The following UTS2 variants were observed in gnomAD, a reference collection of about 807,000 sequenced individuals.
The protein encoded by UTS2 is urotensin 2.
UTS2 carries 10 observed loss-of-function variants against 12.6 expected under a neutral mutation model. The observed-to-expected ratio is 0.80, with a 90% CI of 0.49 to 1.35. The LOEUF is 1.35. Among genes scored for constraint, UTS2 ranks in the 40% most tolerant of loss-of-function variants. The pLI is 0.00. For synonymous variants in UTS2, 52 were observed against 50.0 expected, an observed-to-expected ratio of 1.04 and a Z score of -0.17; for missense variants, 142 against 143.2, an observed-to-expected ratio of 0.99 and a Z score of 0.04.
At chr1:7,875,868 T>C in the UTS2 span, among the ~76,000 whole-genome samples, 17 of 152,164 alleles carry the variant, frequency 1.1e-4, no homozygotes, top group East Asian at 2.9e-3. Context: ...ATGCAAACTA[T>C]TGGGGGGCCT....
chr1:7,889,260 CAAAAAAAA>C, the UTS2 span, among the ~76,000 whole-genome samples: 13 of 72,588 alleles, frequency 1.8e-4, no homozygotes, highest in East Asian at 3.3e-4. Context: ...CTCATTTCTA[CAAAAAAAA>C]AAAAAAAAAA....
chr1:7,912,965 C>T, the UTS2 span, among the ~76,000 whole-genome samples: 1 of 149,772 alleles, frequency 6.7e-6, no homozygotes, highest in Non-Finnish European at 1.5e-5. Flanking sequence ...CCTACTTTGC[C>T]CTTTAAAATG....
chr1:7,875,854 A>G, the UTS2 span, among the ~76,000 whole-genome samples: 2 of 152,010 alleles, frequency 1.3e-5, no homozygotes, highest in African/African-American at 4.8e-5. Context: ...GGCCTCTGGC[A>G]CCCATGCAAA....
At chr1:7,892,340 T>C in the UTS2 span, among the ~76,000 whole-genome samples, 2 of 152,084 alleles carry the variant, frequency 1.3e-5, no homozygotes, top group African/African-American at 4.8e-5. Flanking sequence ...GCATCAGTGT[T>C]CTTGCCTTTT....
intron 1 of UTS2, 63 bp downstream of exon 1, chr1:7,852,838 A>T: frequency 6.6e-7 from 1 of 1,524,172 alleles, no homozygotes; most frequent in Non-Finnish European, 8.8e-7. Context: ...TATCTCTAAC[A>T]TTGAATTTAA....
the UTS2 span, among the ~76,000 whole-genome samples, chr1:7,870,602 C>T: frequency 6.6e-6 from 1 of 152,182 alleles, no homozygotes; most frequent in Admixed American, 6.5e-5. Context: ...GGTGAGAAAA[C>T]TTTCTTGTCC....
At chr1:7,899,936 G>C in the UTS2 span, among the ~76,000 whole-genome samples, 1 of 152,128 alleles carries the variant, frequency 6.6e-6, no homozygotes. Flanking sequence ...CAACATGTAG[G>C]CCTCTCAGAT....
At chr1:7,853,143 A>C, upstream of UTS2, 1 of 1,451,118 alleles carries the variant, frequency 6.9e-7, no homozygotes, top group Non-Finnish European at 9.1e-7. Context: ...AAAAAAAATG[A>C]ATTTATTGGC....
chr1:7,897,987 C>G, the UTS2 span, among the ~76,000 whole-genome samples: 3 of 152,144 alleles, frequency 2.0e-5, no homozygotes, highest in African/African-American at 7.2e-5. Flanking sequence ...TAATAGGTTA[C>G]AAGTCAACTG....
At chr1:7,899,686 T>A in the UTS2 span, among the ~76,000 whole-genome samples, 1 of 152,190 alleles carries the variant, frequency 6.6e-6, no homozygotes, top group African/African-American at 2.4e-5. Context: ...TGATCTTTTT[T>A]AAACACTGTT....
At chr1:7,859,548 C>T in the UTS2 span, among the ~76,000 whole-genome samples, 3 of 152,210 alleles carry the variant, frequency 2.0e-5, no homozygotes, top group Middle Eastern at 3.4e-3. Flanking sequence ...TCCAGGCAGA[C>T]GGAACAGTGA....
At chr1:7,876,849 C>T in the UTS2 span, among the ~76,000 whole-genome samples, 15 of 149,848 alleles carry the variant, frequency 1.0e-4, no homozygotes, top group African/African-American at 1.7e-4. Flanking sequence ...AAGAACACAG[C>T]GGCTGGGCAC....
chr1:7,889,837 C>G, the UTS2 span, among the ~76,000 whole-genome samples: 1 of 152,008 alleles, frequency 6.6e-6, no homozygotes, highest in African/African-American at 2.4e-5. Context: ...GAGGCCAAGG[C>G]GGGAGGATCA....
At chr1:7,853,355 CCAAAG>C (rs2097416122), upstream of UTS2, 2 of 1,613,904 alleles carry the variant, frequency 1.2e-6, no homozygotes, top group Admixed American at 1.7e-5. Context: ...GTTGAAGTGG[CCAAAG>C]CAAAGAGACG....
chr1:7,863,038 G>GTAT, the UTS2 span, among the ~76,000 whole-genome samples: 14 of 27,792 alleles, frequency 5.0e-4, no homozygotes, highest in Admixed American at 1.5e-3. Context: ...GTATTGTATT[G>GTAT]TATTGTATTG....
At chr1:7,901,867 G>T in the UTS2 span, among the ~76,000 whole-genome samples, 1 of 152,156 alleles carries the variant, frequency 6.6e-6, no homozygotes, top group Non-Finnish European at 1.5e-5. Flanking sequence ...AACGTGTGAG[G>T]TCTGTAGGGA....
the UTS2 span, among the ~76,000 whole-genome samples, chr1:7,889,802 C>T: frequency 2.6e-5 from 4 of 152,146 alleles, no homozygotes; most frequent in Admixed American, 2.6e-4. Flanking sequence ...CGCAGTGGCT[C>T]ACGCCTGTAA....
upstream of UTS2, chr1:7,853,079 C>T (rs2097415826): frequency 1.3e-6 from 2 of 1,546,712 alleles, no homozygotes; most frequent in Admixed American, 2.2e-5. Flanking sequence ...ATTCTGCCTG[C>T]TCACTGATTA....
chr1:7,877,140 AAAG>A, the UTS2 span, among the ~76,000 whole-genome samples: 234 of 55,086 alleles, frequency 4.2e-3, 4 homozygotes, highest in African/African-American at 0.015. Context: ...AAAAAAAAAA[AAAG>A]AAAAAAAAAA....
Sources: gnomAD v4.1 joint callset for allele counts (sites outside exome capture counted in the v4.1 genomes callset) on GRCh38, gnomAD v4.1.1 for gene constraint, MANE v1.5 for transcripts, NCBI Gene and HGNC (gene_info 2026-07-23, HGNC 2026-07-21) for gene names.